Variants in FRMPD1 observed in about 807,000 individuals in gnomAD.
FRMPD1 encodes FERM and PDZ domain-containing protein 1.
A neutral mutation model predicts 117.8 loss-of-function variants in FRMPD1; 76 were observed. That is an observed-to-expected ratio of 0.65 (90% CI 0.54 to 0.78). The LOEUF is 0.78. FRMPD1 is among the 30% of genes least tolerant of loss of function. FRMPD1 has a pLI of 0.00. For synonymous variants in FRMPD1, 783 were observed against 770.4 expected (o/e 1.02, Z -0.27); for missense variants, 1,786 against 1,964.5 (o/e 0.91, Z 1.72).
intron 7 of FRMPD1, 67 bp downstream of exon 7, chr9:37,724,387 A>G: frequency 2.4e-6 from 2 of 820,614 alleles, no homozygotes; most frequent in Non-Finnish European, 4.2e-6. Flanking sequence ...CCCCCCAGGC[A>G]TCTTGCCCTG....
the FRMPD1 span, among the ~76,000 whole-genome samples, chr9:37,641,693 G>A: frequency 2.0e-5 from 3 of 152,016 alleles, no homozygotes; most frequent in South Asian, 2.1e-4. Context: ...ATCCTACACC[G>A]AAGATAGGAG....
rs1439057586 is a variant in FRMPD1 at position 37,717,290 on chromosome 9, C to T, written c.409-1779C>T. The stretch of plus-strand genomic sequence containing the variant: ...GACTATCTCTTATCTTGGATTTTGC[C>T]GAGAAAAAAAAAATATATATATATG... On this transcript the variant is annotated intron_variant, in intron 5 of 15. Coordinates refer to ENST00000377765, the MANE Select transcript of FRMPD1 (RefSeq NM_014907.3). 7.6e-5 allele frequency among the ~76,000 whole-genome samples: 10 copies of T among 132,122 alleles called. No individual in the cohort carries two copies. In the East Asian group the frequency reaches 1.9e-3, roughly 25 times the overall value. 86.7% of individuals were successfully genotyped at this position (132,122 alleles called of 152,430 possible).
intron 1 of FRMPD1, among the ~76,000 whole-genome samples, chr9:37,667,062 C>CTTTTTTTTTTTTTTTTTTTTTTTTT (rs573955616): frequency 9.0e-6 from 1 of 111,054 alleles, no homozygotes; most frequent in African/African-American, 4.0e-5. Context: ...TTGAAGCATG[C>CTTTTTTTTTTTTTTTTTTTTTTTTT]TTTTTTTTTT....
At chr9:37,675,780 A>ATGGAAATGGAG (rs1821508249) in intron 1 of FRMPD1, among the ~76,000 whole-genome samples, 1 of 152,088 alleles carries the variant, frequency 6.6e-6, no homozygotes, top group African/African-American at 2.4e-5. Context: ...AGATCTAGAG[A>ATGGAAATGGAG]TGGAAATGGA....
intron 15 of FRMPD1, 166 bp downstream of exon 15, chr9:37,741,050 C>T (rs991412811): frequency 1.1e-5 from 7 of 616,700 alleles, no homozygotes; most frequent in Admixed American, 7.6e-5. Flanking sequence ...TTTTAGGCAT[C>T]GTGGCAGGCC....
intron 4 of FRMPD1, 21 bp from the exon 5 acceptor site, chr9:37,711,329 C>T (rs752129053): frequency 6.4e-7 from 1 of 1,571,064 alleles, no homozygotes; most frequent in Non-Finnish European, 8.8e-7. Context: ...ATGTTTTTGT[C>T]TTTATTCTTT....
intron 1 of FRMPD1, among the ~76,000 whole-genome samples, chr9:37,671,664 G>A (rs2119421707): frequency 6.6e-6 from 1 of 152,248 alleles, no homozygotes; most frequent in African/African-American, 2.4e-5. Flanking sequence ...GATATAAACT[G>A]AGACCTGAAA....
chr9:37,646,673 A>G (rs1824146510), upstream of FRMPD1, among the ~76,000 whole-genome samples: 1 of 152,200 alleles, frequency 6.6e-6, no homozygotes, highest in African/African-American at 2.4e-5. Flanking sequence ...TTTTAACCAT[A>G]AGGAATTTGA....
In FRMPD1 at chr9:37,745,450, G is replaced by A. The variant is rs145045385; in HGVS notation, c.3418G>A (p.Val1140Met). The A allele has an allele frequency of 8.1e-6, 13 of 1,613,946 alleles. No individual in the cohort carries two copies. In the Admixed American group the frequency reaches 1.7e-4, roughly 21 times the overall value. The change falls in exon 16 of 16, where the codon GTG becomes ATG. Residue 1140 changes from valine to methionine, a missense_variant. Physicochemically the swap from Val to Met is conservative, Grantham distance 21. Transcript: ENST00000377765. ...GGATTCAGGTGACTCCCCGGGTGATGTGTCAAATAATGTTTCACAGACTCT... is the reference window on the plus strand; with the variant it reads ...GGATTCAGGTGACTCCCCGGGTGATATGTCAAATAATGTTTCACAGACTCT... ...RKDSGDSPGD[V>M]SNNVSQTLDI...
chr9:37,631,186 TG>T, the FRMPD1 span, among the ~76,000 whole-genome samples: 1 of 152,074 alleles, frequency 6.6e-6, no homozygotes, highest in African/African-American at 2.4e-5. Flanking sequence ...AGCACTTCGA[TG>T]TTGAAAAAAT....
chr9:37,649,598 C>A (rs1258896054), upstream of FRMPD1, among the ~76,000 whole-genome samples: 1 of 152,210 alleles, frequency 6.6e-6, no homozygotes, highest in South Asian at 2.1e-4. Flanking sequence ...AGGAGGAGCA[C>A]CTGCCTTCAT....
intron 1 of FRMPD1, among the ~76,000 whole-genome samples, chr9:37,653,671 C>A (rs1820750489): frequency 1.3e-5 from 2 of 152,196 alleles, no homozygotes; most frequent in Admixed American, 6.5e-5. Context: ...AGACACAGCT[C>A]TAAATATATC....
At chr9:37,716,085 T>C (rs1044001424) in intron 5 of FRMPD1, among the ~76,000 whole-genome samples, 8 of 152,092 alleles carry the variant, frequency 5.3e-5, no homozygotes, top group African/African-American at 1.9e-4. Context: ...AGGAACACAG[T>C]TCCACCAATG....
upstream of FRMPD1, among the ~76,000 whole-genome samples, chr9:37,648,478 G>T (rs1820572119): frequency 6.6e-6 from 1 of 152,170 alleles, no homozygotes; most frequent in Admixed American, 6.5e-5. Context: ...CACTGGTCAG[G>T]TCTGTGGTTG....
intron 2 of FRMPD1, among the ~76,000 whole-genome samples, chr9:37,706,238 A>G (rs1822701775): frequency 6.6e-6 from 1 of 152,144 alleles, no homozygotes; most frequent in African/African-American, 2.4e-5. Context: ...GATAGTGTAC[A>G]CGAGACTTTG....
chr9:37,636,720 G>C, the FRMPD1 span: 2,001 of 1,582,398 alleles, frequency 1.3e-3, 31 homozygotes, highest in African/African-American at 0.024. Flanking sequence ...GGCTTTACAG[G>C]GGTGCTGTCG....
At chr9:37,633,197 A>T in the FRMPD1 span, among the ~76,000 whole-genome samples, 1 of 151,406 alleles carries the variant, frequency 6.6e-6, no homozygotes, top group Non-Finnish European at 1.5e-5. Context: ...CTGCCACCAC[A>T]CCTGGCTAAT....
chr9:37,621,670 C>T, the FRMPD1 span, among the ~76,000 whole-genome samples: 24,864 of 152,122 alleles, frequency 0.16, 2,301 homozygotes, highest in Admixed American at 0.21. Context: ...GCTGCTGCTT[C>T]GGGATTGGCC....
intron 1 of FRMPD1, among the ~76,000 whole-genome samples, chr9:37,664,392 G>A (rs1363939833): frequency 6.6e-6 from 1 of 152,116 alleles, no homozygotes; most frequent in Non-Finnish European, 1.5e-5. Flanking sequence ...GTGCCTAGTG[G>A]TTTGCTGTAC....
Sources: gnomAD v4.1 joint callset for allele counts (sites outside exome capture counted in the v4.1 genomes callset) on GRCh38, gnomAD v4.1.1 for gene constraint, MANE v1.5 for transcripts, NCBI Gene and HGNC (gene_info 2026-07-23, HGNC 2026-07-21) for gene names.